The following MMP16 variants were observed in gnomAD, a reference collection of about 807,000 sequenced individuals.
MMP16 encodes matrix metallopeptidase 16.
A neutral mutation model predicts 67.8 loss-of-function variants in MMP16; 12 were observed. The ratio of observed to expected loss-of-function variants is 0.18; its 90% CI spans 0.11 to 0.29. MMP16 has a LOEUF of 0.29. Ranked by LOEUF, MMP16 falls within the 10% of genes least tolerant of loss-of-function variation. The probability of loss-of-function intolerance (pLI) is 1.00; values close to 1 mark genes in which losing one functional copy is unlikely to be tolerated. For missense variants in MMP16, 475 were observed against 765.7 expected (o/e 0.62, Z 4.48); for synonymous variants, 249 against 255.9 (o/e 0.97, Z 0.26).
intron 6 of MMP16, among the ~76,000 whole-genome samples, chr8:88,108,446 G>T (rs1293465495): frequency 6.6e-6 from 1 of 151,174 alleles, no homozygotes; most frequent in Non-Finnish European, 1.5e-5. Flanking sequence ...GCCATAGTAA[G>T]GACACTAAGC....
chr8:88,098,186 A>T (rs1809062742), intron 6 of MMP16, among the ~76,000 whole-genome samples: 2 of 152,038 alleles, frequency 1.3e-5, no homozygotes. Flanking sequence ...GGACAGACAC[A>T]TTGGACTAAG....
chr8:88,076,486 A>G (rs1218011699), intron 6 of MMP16, among the ~76,000 whole-genome samples: 1 of 152,124 alleles, frequency 6.6e-6, no homozygotes, highest in Non-Finnish European at 1.5e-5. Context: ...AATTTGTAAA[A>G]AATGTTTTTC....
intron 1 of MMP16, among the ~76,000 whole-genome samples, chr8:88,304,924 C>A (rs1811190448): frequency 6.6e-6 from 1 of 152,124 alleles, no homozygotes; most frequent in Non-Finnish European, 1.5e-5. Flanking sequence ...ATCATAATGA[C>A]AGGATCAAAT....
At chr8:88,107,228 T>C (rs1809258106) in intron 6 of MMP16, among the ~76,000 whole-genome samples, 1 of 151,136 alleles carries the variant, frequency 6.6e-6, no homozygotes, top group African/African-American at 2.4e-5. Context: ...ACATTTACAT[T>C]TTTCTATATA....
At chr8:88,192,142 A>C (rs1179955085) in intron 2 of MMP16, among the ~76,000 whole-genome samples, 1 of 152,106 alleles carries the variant, frequency 6.6e-6, no homozygotes. Flanking sequence ...ACTTATTTTA[A>C]TTACTTTAAA....
In MMP16 at chr8:88,228,098, T is replaced by C. The variant is rs1413609917; in HGVS notation, c.133-30792A>G. Among the ~76,000 whole-genome samples, 4 of 152,156 alleles carry C rather than the reference T, an allele frequency of 2.6e-5. No individual in the cohort carries two copies. The East Asian group carries it at 7.7e-4, about 29-fold the overall frequency. On this transcript the variant is annotated intron_variant, in intron 1 of 9. Coordinates refer to ENST00000286614, the MANE Select transcript of MMP16 (RefSeq NM_005941.5). ...AAAATACTGTTTTCCCCTGTAAACT[T>C]AGCAGTGATTAAAACATTACAATCG...
intron 4 of MMP16, among the ~76,000 whole-genome samples, chr8:88,135,039 T>G (rs1808095249): frequency 6.6e-6 from 1 of 151,688 alleles, no homozygotes; most frequent in Admixed American, 6.6e-5. Flanking sequence ...TCACAACTAT[T>G]CCATTGAATT....
intron 1 of MMP16, among the ~76,000 whole-genome samples, chr8:88,247,375 T>A (rs937165654): frequency 1.8e-4 from 27 of 152,134 alleles, no homozygotes; most frequent in African/African-American, 6.5e-4. Context: ...CAAATTGCCA[T>A]CATTATATTA....
intron 7 of MMP16, chr8:88,069,266 G>C (rs1234830453): frequency 3.0e-6 from 1 of 338,072 alleles, no homozygotes; most frequent in African/African-American, 2.2e-5. Context: ...TCAATGTAGA[G>C]GTCATGCACA....
chr8:88,160,090 T>A (rs1808589441), intron 4 of MMP16, among the ~76,000 whole-genome samples: 1 of 151,962 alleles, frequency 6.6e-6, no homozygotes, highest in South Asian at 2.1e-4. Context: ...CATTTAGCAT[T>A]AGGTATATCT....
At chr8:88,085,491 G>GT (rs1808819177) in intron 6 of MMP16, among the ~76,000 whole-genome samples, 1 of 152,034 alleles carries the variant, frequency 6.6e-6, no homozygotes, top group African/African-American at 2.4e-5. Context: ...ATGTAATTCT[G>GT]TGAGAAATGA....
At chr8:88,241,032 C>A (rs1297853926) in intron 1 of MMP16, among the ~76,000 whole-genome samples, 1 of 150,446 alleles carries the variant, frequency 6.6e-6, no homozygotes, top group Non-Finnish European at 1.5e-5. Flanking sequence ...ACTCGTGAAT[C>A]TTGAACTTTT....
chr8:88,323,247 A>G (rs550599829), intron 1 of MMP16, among the ~76,000 whole-genome samples: 1 of 152,322 alleles, frequency 6.6e-6, no homozygotes, highest in Non-Finnish European at 1.5e-5. Context: ...TCTATAAAAT[A>G]TAATTTTTAT....
chr8:88,281,463 A>G (rs967942833), intron 1 of MMP16, among the ~76,000 whole-genome samples: 3 of 152,220 alleles, frequency 2.0e-5, no homozygotes, highest in African/African-American at 7.2e-5. Flanking sequence ...AAGATGTAAT[A>G]CAGGAATGAC....
intron 1 of MMP16, among the ~76,000 whole-genome samples, chr8:88,321,227 G>A (rs1005265146): frequency 6.6e-6 from 1 of 151,952 alleles, no homozygotes; most frequent in African/African-American, 2.4e-5. Flanking sequence ...CCCACAATGG[G>A]CAAATGGAGA....
chr8:88,048,316 C>CGT (rs1808224484), intron 8 of MMP16, among the ~76,000 whole-genome samples: 1 of 152,104 alleles, frequency 6.6e-6, no homozygotes, highest in African/African-American at 2.4e-5. Context: ...CAGGCTAGTC[C>CGT]GTGAGCCACT....
chr8:88,062,249 C>T (rs960350626), intron 7 of MMP16, among the ~76,000 whole-genome samples: 2 of 151,916 alleles, frequency 1.3e-5, no homozygotes, highest in Admixed American at 6.6e-5. Flanking sequence ...GACAGTGTGG[C>T]GATTCCTCAA....
intron 1 of MMP16, among the ~76,000 whole-genome samples, chr8:88,236,751 A>ACCCTTTCAAGATTT (rs1186286932): frequency 1.5e-5 from 2 of 137,062 alleles, no homozygotes; most frequent in African/African-American, 2.9e-5. Context: ...CTGAAAAATA[A>ACCCTTTCAAGATTT]CAACAACAAA....
At chr8:88,097,816 T>C (rs1649191263) in intron 6 of MMP16, among the ~76,000 whole-genome samples, 1 of 151,778 alleles carries the variant, frequency 6.6e-6, no homozygotes. Context: ...TTATACTTAA[T>C]TTTTCAAAGA....
Sources: allele counts gnomAD v4.1 joint callset (sites outside exome capture counted in the v4.1 genomes callset), GRCh38; gene constraint gnomAD v4.1.1; transcripts MANE v1.5; gene names NCBI Gene and HGNC (gene_info 2026-07-23, HGNC 2026-07-21).